The following TPR variants were observed in gnomAD, a reference collection of about 807,000 sequenced individuals.
The protein encoded by TPR is translocated promoter region, nuclear basket protein, also known as nucleoprotein TPR.
TPR carries 51 observed loss-of-function variants against 316.1 expected under a neutral mutation model. The observed-to-expected ratio is 0.16, with a 90% CI of 0.13 to 0.20. The LOEUF (loss-of-function observed/expected upper bound fraction) is 0.20. Ranked by LOEUF, TPR falls within the 10% of genes least tolerant of loss-of-function variation. TPR has a pLI of 1.00. For synonymous variants in TPR, 981 were observed against 914.7 expected, an observed-to-expected ratio of 1.07 and a Z score of -1.31; for missense variants, 2,272 against 2,754.8, an observed-to-expected ratio of 0.82 and a Z score of 3.92.
intron 49 of TPR, among the ~76,000 whole-genome samples, chr1:186,315,435 C>G (rs900363945): frequency 6.6e-6 from 1 of 152,030 alleles, no homozygotes; most frequent in Non-Finnish European, 1.5e-5. Context: ...TCAGACACCC[C>G]AAATGCAATC....
chr1:186,370,919 C>T (rs1358909892), intron 3 of TPR, 51 bp downstream of exon 3: 2 of 1,452,782 alleles, frequency 1.4e-6, no homozygotes, highest in Non-Finnish European at 1.9e-6. Flanking sequence ...AATAGAATGT[C>T]CCTTCAAGTA....
intron 1 of TPR, among the ~76,000 whole-genome samples, chr1:186,373,956 G>C (rs1308626879): frequency 6.6e-6 from 1 of 152,178 alleles, no homozygotes; most frequent in African/African-American, 2.4e-5. Flanking sequence ...GTTCAGCATA[G>C]TATCAGGAAC....
chr1:186,357,556 C>T lies in TPR; in HGVS notation c.1565G>A (p.Ser522Asn). The change falls in exon 14 of 51, where the codon AGC becomes AAC. Residue 522 changes from serine to asparagine, a missense_variant. Physicochemically the swap from Ser to Asn is conservative, Grantham distance 46 (BLOSUM62 1). Transcript: ENST00000367478. ...GNHVIRDEEV[S>N]SADISSSSEV... ...AGATGAACTACTTATATCAGCAGAG[C>T]TTACTTCCTCATCACGAATTACGTG... The T allele has an allele frequency of 6.2e-7, 1 of 1,614,056 alleles. No homozygotes were observed. The highest frequency in any genetic ancestry group is 1.3e-5 in the African/African-American group (1 of 74,998).
rs148078601 is a variant in TPR at position 186,332,004 on chromosome 1, T to C, written c.5604+191A>G. On this transcript the variant is annotated intron_variant, in intron 38 of 50. Transcript: ENST00000367478. ...ATAGAAACAAATGCAATTAAAGATATGCAAGAATATAAAACACTGTTGGTA... is the reference window on the plus strand; with the variant it reads ...ATAGAAACAAATGCAATTAAAGATACGCAAGAATATAAAACACTGTTGGTA... Among the ~76,000 whole-genome samples the C allele has an allele frequency of 1.1e-3, 174 of 152,240 alleles. 3 individuals carry two copies. The East Asian group carries it at 0.027, about 23-fold the overall frequency.
chr1:186,338,190 T>C lies in TPR; in HGVS notation c.4205A>G (p.Asp1402Gly). 1 of 1,613,010 alleles carries C rather than the reference T, an allele frequency of 6.2e-7. No homozygotes were observed. Among genetic ancestry groups the C allele is most frequent in the Non-Finnish European group, 8.5e-7 (1 of 1,179,552 alleles). ...CTTTTCAGTTCTTACTTTATTTAGA[T>C]CTTCCTTCAGACTCTGAATTAAGTT... ...NQNLIQSLKE[D>G]LNKVRTEKET... Residue 1402 changes from aspartate (D) to glycine (G), a missense_variant, in exon 31 of 51, where the codon GAT becomes GGT. Asp to Gly is a moderately conservative substitution (Grantham distance 94, BLOSUM62 -1). This residue lies in a region of TPR where 96 missense variants were observed against 134.6 expected (regional missense o/e 0.71). Transcript: ENST00000367478.
In TPR at chr1:186,353,139, A is replaced by G. The variant is rs141609192; in HGVS notation, c.2334+549T>C. Among the ~76,000 whole-genome samples, 1,458 of 152,232 alleles carry G rather than the reference A, an allele frequency of 9.6e-3. 15 individuals are homozygous for G. Among genetic ancestry groups the G allele is most frequent in the African/African-American group, 0.025 (1,059 of 41,542 alleles). On this transcript the variant is annotated intron_variant, in intron 18 of 50. Transcript: ENST00000367478. ...TGTAATCCCAGCACTTTGGGAGGCT[A>G]AGGCGGGCAAATCACGAGGTCAGTA... is the stretch of plus-strand genomic sequence containing the variant.
chr1:186,332,377 G>C (rs1478755325), intron 37 of TPR, 34 bp from the exon 38 acceptor site: 2 of 1,604,854 alleles, frequency 1.2e-6, no homozygotes, highest in Non-Finnish European at 1.7e-6. Flanking sequence ...ATTAGAGCAT[G>C]ATAATAACTC....
intron 40 of TPR, 102 bp downstream of exon 40, chr1:186,327,358 G>T: frequency 1.4e-6 from 1 of 731,180 alleles, no homozygotes; most frequent in Non-Finnish European, 2.1e-6. Flanking sequence ...TATTTAAGCT[G>T]ACTGGGAACC....
intron 21 of TPR, among the ~76,000 whole-genome samples, chr1:186,348,051 C>A (rs749686473): frequency 6.6e-6 from 1 of 152,016 alleles, no homozygotes; most frequent in African/African-American, 2.4e-5. Flanking sequence ...TGAAAAAGAA[C>A]AGAATAATAG....
intron 25 of TPR, 65 bp from the exon 26 acceptor site, chr1:186,344,155 C>T (rs1658605215): frequency 2.6e-6 from 4 of 1,534,424 alleles, no homozygotes; most frequent in South Asian, 1.3e-5. Context: ...AACAACTTGG[C>T]CAGGCGCGGT....
chr1:186,351,543 A>G (rs1260480243), intron 19 of TPR, 73 bp from the exon 20 acceptor site: 7 of 1,454,740 alleles, frequency 4.8e-6, no homozygotes, highest in Non-Finnish European at 6.4e-6. Flanking sequence ...TGAAGGCAAG[A>G]AAGAATTACA....
intron 35 of TPR, among the ~76,000 whole-genome samples, chr1:186,334,798 G>A (rs531147462): frequency 6.6e-6 from 1 of 152,164 alleles, no homozygotes; most frequent in South Asian, 2.1e-4. Flanking sequence ...TAACATCACG[G>A]GGAAAATCAG....
Position 186,359,879 on chromosome 1 carries a change from A to G in TPR, c.1309T>C (p.Leu437=), listed in dbSNP as rs1659132881. ...VKEVEAKAPI[L]KRQREEYERA... ...TCATATTCCTCACGCTGGCGTTTCA[A>G]AATTGGTGCTTTGGCTTCCACTTCT... Residue 437 remains leucine (L), a synonymous_variant, in exon 12 of 51, where the codon TTG becomes CTG. Coordinates refer to ENST00000367478, the MANE Select transcript of TPR (RefSeq NM_003292.3). 1 of 1,605,428 alleles carries G rather than the reference A, an allele frequency of 6.2e-7. No individual in the cohort carries two copies. Among genetic ancestry groups the G allele is most frequent in the African/African-American group, 1.3e-5 (1 of 74,144 alleles).
rs373941478 is a variant in TPR at position 186,317,549 on chromosome 1, C to A, written c.6873G>T (p.Pro2291=). 1 of 1,613,962 alleles carries A rather than the reference C, an allele frequency of 6.2e-7. No individual in the cohort carries two copies. Among genetic ancestry groups the A allele is most frequent in the Admixed American group, 1.7e-5 (1 of 59,988 alleles). The change falls in exon 49 of 51, where the codon CCG becomes CCT. Residue 2291 remains proline, a synonymous_variant. Transcript: ENST00000367478. ...GATCTGACTCATCAGATGCTTGAAC[C>A]GGCTCTTCTTCCTGCTGGCTATCAA... ...LEIDSQQEEE[P]VQASDESDLP...
In TPR at chr1:186,331,596, A is replaced by G. The variant is rs527645846; in HGVS notation, c.5605-15T>C. ...ATAACTTCTTCCTGTATCATAATACACTAATATATTAACCATATCAGTGTA... is the reference window on the plus strand; with the variant it reads ...ATAACTTCTTCCTGTATCATAATACGCTAATATATTAACCATATCAGTGTA... On this transcript the variant is annotated splice_polypyrimidine_tract_variant and intron_variant, in intron 38 of 50. Coordinates refer to ENST00000367478, the MANE Select transcript of TPR (RefSeq NM_003292.3). 10 of 1,579,988 alleles carry G rather than the reference A, an allele frequency of 6.3e-6. No individual in the cohort carries two copies. In the South Asian group the frequency reaches 1.0e-4, roughly 16 times the overall value.
chr1:186,358,541 A>T lies in TPR; in HGVS notation c.1497+2T>A, dbSNP rs553938720. 1 of 1,604,976 alleles carries T rather than the reference A, an allele frequency of 6.2e-7. No homozygotes were observed. The highest frequency in any genetic ancestry group is 1.3e-5 in the African/African-American group (1 of 74,442). On this transcript the variant is annotated splice_donor_variant, in intron 13 of 50. Transcript: ENST00000367478. LOFTEE classifies it high-confidence loss of function. Reference sequence around the variant, plus strand: ...TAGGAAAACAAACAAAAAAATTCTAACCTGTTGTGAAAGATCTTTTACTTG... The same window carrying T: ...TAGGAAAACAAACAAAAAAATTCTATCCTGTTGTGAAAGATCTTTTACTTG...
chr1:186,317,483 T>C lies in TPR; in HGVS notation c.6939A>G (p.Val2313=), dbSNP rs1431919215. The change falls in exon 49 of 51, where the codon GTA becomes GTG. Residue 2313 remains valine, a splice_region_variant and synonymous_variant. Transcript: ENST00000367478. ...TTGCAGTCAAGGGCAGGGACTCACCTACAGATGAGCTAGAAGGAGGATCCT... is the reference window on the plus strand; with the variant it reads ...TTGCAGTCAAGGGCAGGGACTCACCCACAGATGAGCTAGAAGGAGGATCCT... The part of the protein sequence containing the change: ...TSQDPPSSSS[V]DTSSSQPKPF... The C allele has an allele frequency of 6.2e-7, 1 of 1,613,748 alleles. No homozygotes were observed. The highest frequency in any genetic ancestry group is 1.3e-5 in the African/African-American group (1 of 74,932).
chr1:186,373,915 A>C (rs535658531), intron 1 of TPR, among the ~76,000 whole-genome samples: 45 of 152,360 alleles, frequency 3.0e-4, no homozygotes, highest in African/African-American at 1.1e-3. Flanking sequence ...GTAAATGTGT[A>C]AACTTTCCAA....
In TPR at chr1:186,317,684, C is replaced by G; in HGVS notation, c.6822-84G>C. 7.8e-6 allele frequency: 10 copies of G among 1,286,548 alleles called. No individual in the cohort carries two copies. In the South Asian group the frequency reaches 9.4e-5, roughly 12 times the overall value. 79.7% of individuals were successfully genotyped at this position (1,286,548 alleles called of 1,614,324 possible). On this transcript the variant is annotated intron_variant, in intron 48 of 50. Coordinates refer to ENST00000367478, the MANE Select transcript of TPR (RefSeq NM_003292.3). ...ATCCACTCTTTTAAATCTATTTTAT[C>G]ACTTAAGTAATCCAGAGCTCCCTTA...
Sources: gnomAD v4.1 joint callset for allele counts (sites outside exome capture counted in the v4.1 genomes callset) on GRCh38, gnomAD v4.1.1 for gene constraint, gnomAD v4.1.1 regional missense constraint, MANE v1.5 for transcripts, NCBI Gene and HGNC (gene_info 2026-07-23, HGNC 2026-07-21) for gene names.